The following CACNA1E variants were observed in gnomAD, a reference collection of about 807,000 sequenced individuals.
CACNA1E encodes voltage-dependent R-type calcium channel subunit alpha-1E.
In CACNA1E, 40 loss-of-function variants were observed where a neutral mutation model predicts 259.2. That is an observed-to-expected ratio of 0.15 (90% CI 0.12 to 0.20). CACNA1E has a LOEUF of 0.20. Ranked by LOEUF, CACNA1E falls within the 10% of genes least tolerant of loss-of-function variation. CACNA1E has a pLI of 1.00. For missense variants in CACNA1E, 1,874 were observed against 3,040.1 expected, an observed-to-expected ratio of 0.62 and a Z score of 9.02; for synonymous variants, 1,104 against 1,138.5, an observed-to-expected ratio of 0.97 and a Z score of 0.61.
chr1:181,500,739 T>C (rs1230041985), intron 1 of CACNA1E, among the ~76,000 whole-genome samples: 2 of 152,248 alleles, frequency 1.3e-5, no homozygotes, highest in Non-Finnish European at 2.9e-5. Context: ...GTATCCCTAG[T>C]TCTTTCAACA....
At chr1:181,558,251 A>T (rs996484964) in intron 3 of CACNA1E, among the ~76,000 whole-genome samples, 2 of 152,210 alleles carry the variant, frequency 1.3e-5, no homozygotes, top group Non-Finnish European at 2.9e-5. Context: ...TTCGCCCAGG[A>T]ACACTGTGTT....
At chr1:181,337,063 A>G (rs1178518761) in intron 1 of CACNA1E, among the ~76,000 whole-genome samples, 1 of 151,134 alleles carries the variant, frequency 6.6e-6, no homozygotes, top group Non-Finnish European at 1.5e-5. Flanking sequence ...TGATATACAC[A>G]TACATAGTAA....
At chr1:181,746,241 C>T (rs1229220833) in intron 25 of CACNA1E, among the ~76,000 whole-genome samples, 2 of 152,180 alleles carry the variant, frequency 1.3e-5, no homozygotes, top group Non-Finnish European at 2.9e-5. Context: ...TCTGCAGATC[C>T]TAGAGAGACA....
At chr1:181,607,098 G>C (rs986064650) in intron 6 of CACNA1E, among the ~76,000 whole-genome samples, 1 of 152,184 alleles carries the variant, frequency 6.6e-6, no homozygotes, top group African/African-American at 2.4e-5. Flanking sequence ...CCTGTTCACT[G>C]TGGTGTCTCC....
At chr1:181,620,317 G>A (rs932843444) in intron 6 of CACNA1E, among the ~76,000 whole-genome samples, 3 of 152,130 alleles carry the variant, frequency 2.0e-5, no homozygotes, top group Non-Finnish European at 4.4e-5. Context: ...TTCTGTGAAG[G>A]GGAAGACATC....
chr1:181,405,228 G>A (rs183503440), intron 1 of CACNA1E, among the ~76,000 whole-genome samples: 19 of 152,290 alleles, frequency 1.2e-4, no homozygotes, highest in African/African-American at 4.1e-4. Flanking sequence ...GGGATATTAC[G>A]AGGCTCTAAT....
intron 2 of CACNA1E, among the ~76,000 whole-genome samples, chr1:181,425,384 G>A (rs1428965714): frequency 6.6e-6 from 1 of 152,284 alleles, no homozygotes; most frequent in East Asian, 1.9e-4. Context: ...TGAGCCAAAG[G>A]CGTTTTCCTC....
intron 25 of CACNA1E, among the ~76,000 whole-genome samples, chr1:181,748,080 T>A (rs1259677633): frequency 1.3e-5 from 2 of 152,246 alleles, no homozygotes; most frequent in African/African-American, 4.8e-5. Flanking sequence ...CAATGGCTCC[T>A]CTGCAGTAAG....
At chr1:181,673,689 G>A (rs578025906) in intron 7 of CACNA1E, among the ~76,000 whole-genome samples, 1 of 152,104 alleles carries the variant, frequency 6.6e-6, no homozygotes, top group Non-Finnish European at 1.5e-5. Flanking sequence ...GGCTGGGCAG[G>A]ACATTCCTGT....
chr1:181,378,096 T>G (rs2101984508), intron 1 of CACNA1E, among the ~76,000 whole-genome samples: 1 of 152,360 alleles, frequency 6.6e-6, no homozygotes, highest in African/African-American at 2.4e-5. Flanking sequence ...TTGATAGAAC[T>G]TAGCACTAGA....
chr1:181,760,157 T>C (rs1315553049), intron 32 of CACNA1E, among the ~76,000 whole-genome samples: 1 of 152,254 alleles, frequency 6.6e-6, no homozygotes, highest in Non-Finnish European at 1.5e-5. Context: ...ATTGACATTG[T>C]CTGTGACTTA....
At chr1:181,762,530 T>C in intron 32 of CACNA1E, 44 bp from the exon 33 acceptor site, 1 of 1,128,784 alleles carries the variant, frequency 8.9e-7, no homozygotes, top group Non-Finnish European at 1.3e-6. Context: ...CCTTTTTTTT[T>C]TCTTTCCTTT....
intron 3 of CACNA1E, among the ~76,000 whole-genome samples, chr1:181,559,360 G>A (rs766788350): frequency 6.6e-6 from 1 of 152,222 alleles, no homozygotes; most frequent in African/African-American, 2.4e-5. Context: ...AAGGAGAGAG[G>A]TCTGTCCTGG....
At chr1:181,517,940 G>A (rs1666714868) in intron 3 of CACNA1E, among the ~76,000 whole-genome samples, 1 of 152,118 alleles carries the variant, frequency 6.6e-6, no homozygotes, top group South Asian at 2.1e-4. Flanking sequence ...AGCCCAATTT[G>A]AATCCCTGTG....
At chr1:181,523,517 T>C (rs1173269748) in intron 3 of CACNA1E, among the ~76,000 whole-genome samples, 1 of 152,252 alleles carries the variant, frequency 6.6e-6, no homozygotes, top group Non-Finnish European at 1.5e-5. Flanking sequence ...ATCTTTGCTC[T>C]ACTGTTTTCT....
intron 2 of CACNA1E, among the ~76,000 whole-genome samples, chr1:181,470,441 C>G (rs1662433949): frequency 6.6e-6 from 1 of 152,178 alleles, no homozygotes; most frequent in African/African-American, 2.4e-5. Flanking sequence ...AGGCTGATCT[C>G]AAACTCCTGG....
At chr1:181,463,993 G>A (rs1218519751) in intron 2 of CACNA1E, among the ~76,000 whole-genome samples, 1 of 151,884 alleles carries the variant, frequency 6.6e-6, no homozygotes, top group African/African-American at 2.4e-5. Flanking sequence ...GTGTGAGGTG[G>A]GCTCTAATTT....
chr1:181,407,610 G>A lies in CACNA1E; in HGVS notation c.-14-5523G>A, dbSNP rs553517332. Among the ~76,000 whole-genome samples, 6 of 152,258 alleles carry A rather than the reference G, an allele frequency of 3.9e-5. No individual in the cohort carries two copies. In the South Asian group the frequency reaches 8.3e-4, roughly 21 times the overall value. The stretch of plus-strand genomic sequence containing the variant: ...ATGTACATTAGAGATTGAGAAGTGC[G>A]GTCTTAGGAAGTCATGGTAAATGAA... On this transcript the variant is annotated intron_variant, in intron 1 of 11. Coordinates refer to the CACNA1E transcript ENST00000524607.
chr1:181,573,869 A>G (rs1650672209), intron 3 of CACNA1E, among the ~76,000 whole-genome samples: 1 of 152,278 alleles, frequency 6.6e-6, no homozygotes, highest in East Asian at 1.9e-4. Flanking sequence ...AAGATGTGGA[A>G]TCAACCCAAA....
Sources: allele counts gnomAD v4.1 joint callset (sites outside exome capture counted in the v4.1 genomes callset), GRCh38; gene constraint gnomAD v4.1.1; transcripts MANE v1.5; gene names NCBI Gene and HGNC (gene_info 2026-07-23, HGNC 2026-07-21).